LATS2: variants seen among roughly 807,000 people sequenced by gnomAD.
The protein encoded by LATS2 is serine/threonine-protein kinase LATS2.
A neutral mutation model predicts 76.0 loss-of-function variants in LATS2; 24 were observed. The ratio of observed to expected loss-of-function variants is 0.32; its 90% CI spans 0.23 to 0.44. The LOEUF is 0.44. LATS2 is among the 20% of genes least tolerant of loss of function. The probability of loss-of-function intolerance (pLI) is 1.00; values close to 1 mark genes in which losing one functional copy is unlikely to be tolerated. For missense variants in LATS2, 1,286 were observed against 1,481.2 expected (o/e 0.87, Z 2.16); for synonymous variants, 692 against 635.4 (o/e 1.09, Z -1.34).
At chr13:21,027,119 T>C (rs967339679) in intron 2 of LATS2, among the ~76,000 whole-genome samples, 3 of 152,202 alleles carry the variant, frequency 2.0e-5, no homozygotes, top group Admixed American at 6.5e-5. Flanking sequence ...TGTGAGTCCA[T>C]TGTCAGATAT....
chr13:20,979,579 T>A, intron 7 of LATS2, 112 bp downstream of exon 7: 1 of 473,678 alleles, frequency 2.1e-6, no homozygotes, highest in East Asian at 3.3e-5. Flanking sequence ...CCTATACAAC[T>A]GCCATTCCTA....
chr13:21,059,532 T>C (rs1038659559), intron 1 of LATS2, among the ~76,000 whole-genome samples: 1 of 151,576 alleles, frequency 6.6e-6, no homozygotes. Context: ...GGAGGCGAGG[T>C]TGCAGTGAGC....
chr13:21,041,129 T>C (rs542497919), intron 2 of LATS2, among the ~76,000 whole-genome samples: 207 of 152,188 alleles, frequency 1.4e-3, no homozygotes, highest in African/African-American at 4.6e-3. Flanking sequence ...CCCGCCACCA[T>C]GCCCGGCTAA....
At chr13:21,011,721 T>C (rs1304678315) in intron 2 of LATS2, among the ~76,000 whole-genome samples, 1 of 152,260 alleles carries the variant, frequency 6.6e-6, no homozygotes, top group Non-Finnish European at 1.5e-5. Flanking sequence ...AATGATAGAA[T>C]GTATTAATAC....
At chr13:20,994,724 G>A (rs150196333) in intron 2 of LATS2, among the ~76,000 whole-genome samples, 159 of 151,690 alleles carry the variant, frequency 1.0e-3, no homozygotes, top group African/African-American at 3.5e-3. Flanking sequence ...GTGAGACCCC[G>A]TCTCTACACA....
At chr13:20,993,936 G>A (rs997324823) in intron 2 of LATS2, among the ~76,000 whole-genome samples, 3 of 152,312 alleles carry the variant, frequency 2.0e-5, no homozygotes, top group South Asian at 2.1e-4. Context: ...AGCACTAACC[G>A]TTCAATTGCT....
intron 2 of LATS2, among the ~76,000 whole-genome samples, chr13:21,011,189 A>G (rs1196843985): frequency 6.6e-6 from 1 of 152,144 alleles, no homozygotes; most frequent in Non-Finnish European, 1.5e-5. Context: ...ACCTCCTCTC[A>G]TCTCTTTCTT....
At chr13:21,040,818 C>G (rs1015391378) in intron 2 of LATS2, among the ~76,000 whole-genome samples, 4 of 151,976 alleles carry the variant, frequency 2.6e-5, no homozygotes, top group African/African-American at 9.7e-5. Context: ...CTCCATGCCC[C>G]ACAGACATGA....
chr13:21,023,263 C>CA (rs1450532880), intron 2 of LATS2: 1 of 147,754 alleles, frequency 6.8e-6, no homozygotes, highest in Non-Finnish European at 1.5e-5. Flanking sequence ...TTCTTAATTC[C>CA]TTTTTTTTTT....
Position 20,988,607 on chromosome 13 carries a change from G to A in LATS2, c.1173C>T (p.Arg391=), listed in dbSNP as rs1004504027. The A allele has an allele frequency of 6.3e-7, 1 of 1,588,840 alleles. No homozygotes were observed. The highest frequency in any genetic ancestry group is 1.1e-5 in the South Asian group (1 of 90,250). Residue 391 remains arginine (R), a synonymous_variant, in exon 4 of 8, where the codon CGC becomes CGT. Transcript: ENST00000382592. ...AGTCAGGCCGGAAGGCCACGTGCGC[G>A]CGCGGCGGCGCCTCCAGGCCCGGCT... ...LQKPGLEAPP[R]AHVAFRPDCP...
chr13:21,047,574 G>A (rs1182457826), intron 1 of LATS2, among the ~76,000 whole-genome samples: 5 of 152,046 alleles, frequency 3.3e-5, no homozygotes, highest in African/African-American at 4.8e-5. Flanking sequence ...TTTAATAAAC[G>A]AAGAACAACT....
rs1870357694 is a variant in LATS2, at chr13:20,988,898, C to T, written c.882G>A (p.Gln294=). The part of the protein sequence containing the change: ...GGYASLPTKG[Q]GGPPGAGLAF... ...CGAGGCCGGCGCCTGGCGGTCCTCC[C>T]TGGCCCTTCGTGGGCAGGCTGGCGT... The change falls in exon 4 of 8, where the codon CAG becomes CAA. Residue 294 remains glutamine, a synonymous_variant. Transcript: ENST00000382592. 4 of 1,537,610 alleles carry T rather than the reference C, an allele frequency of 2.6e-6. No individual in the cohort carries two copies. In the African/African-American group the frequency reaches 4.1e-5, roughly 16 times the overall value.
At chr13:20,977,878 T>G (rs901129756) in intron 7 of LATS2, among the ~76,000 whole-genome samples, 5 of 152,128 alleles carry the variant, frequency 3.3e-5, no homozygotes, top group Non-Finnish European at 1.5e-5. Context: ...TTACTGTTCC[T>G]AGAGTGAAAC....
chr13:20,981,776 G>A, intron 5 of LATS2, 128 bp from the exon 6 acceptor site: 1 of 772,882 alleles, frequency 1.3e-6, no homozygotes, highest in Admixed American at 3.0e-5. Flanking sequence ...TGACATATCA[G>A]GACAGAGAAT....
chr13:21,029,980 A>G (rs902176545), intron 2 of LATS2, among the ~76,000 whole-genome samples: 9 of 151,372 alleles, frequency 5.9e-5, no homozygotes, highest in African/African-American at 2.2e-4. Context: ...AAAACTTAGC[A>G]GGGCATGGTG....
intron 1 of LATS2, among the ~76,000 whole-genome samples, chr13:21,047,499 C>T (rs7319467): frequency 0.022 from 3,354 of 152,242 alleles, 104 homozygotes; most frequent in African/African-American, 0.074. Context: ...TGCCCCTTCC[C>T]TCACCCACTC....
At position 21,046,083 on chromosome 13, in the gene LATS2, TAA is replaced by T; in HGVS notation, c.-59_-58del. On this transcript the variant is annotated 5_prime_UTR_variant, in exon 2 of 8. Coordinates refer to ENST00000382592, the MANE Select transcript of LATS2 (RefSeq NM_014572.3). ...AATCTTCTTAAAGTGTTTTATTATT[TAA>T]AAAAAAAAACTGTCAATAGTATCAG... 4 of 985,138 alleles carry T rather than the reference TAA, an allele frequency of 4.1e-6. No homozygotes were observed. The highest frequency in any genetic ancestry group is 1.9e-5 in the South Asian group (1 of 52,514). 61.0% of individuals were successfully genotyped at this position (985,138 alleles called of 1,614,324 possible).
intron 3 of LATS2, among the ~76,000 whole-genome samples, chr13:20,990,785 A>G (rs1352495013): frequency 6.6e-6 from 1 of 152,146 alleles, no homozygotes; most frequent in African/African-American, 2.4e-5. Flanking sequence ...GGCCCATCAC[A>G]GGGGATGCTG....
rs756917621 is a variant in LATS2, at chr13:21,045,896, T to C, written c.131A>G (p.Asp44Gly). 6.2e-7 allele frequency: 1 copy of C among 1,614,210 alleles called. No homozygotes were observed. The highest frequency in any genetic ancestry group is 1.1e-5 in the South Asian group (1 of 91,086). Reference sequence around the variant, plus strand: ...CAGGACTTTGGCATCCAGGGAAGTGTCACTGTTTGGTCCTGCGGGTAGCCC... The same window carrying C: ...CAGGACTTTGGCATCCAGGGAAGTGCCACTGTTTGGTCCTGCGGGTAGCCC... ...VQGLPAGPNS[D>G]TSLDAKVLGS... Residue 44 changes from aspartate to glycine, a missense_variant, in exon 2 of 8, where the codon GAC (aspartate) becomes GGC (glycine). Transcript: ENST00000382592.
Sources: gnomAD v4.1 joint callset for allele counts (sites outside exome capture counted in the v4.1 genomes callset) on GRCh38, gnomAD v4.1.1 for gene constraint, MANE v1.5 for transcripts, NCBI Gene and HGNC (gene_info 2026-07-23, HGNC 2026-07-21) for gene names.